CFLAR: variants seen among roughly 807,000 people sequenced by gnomAD.
The protein encoded by CFLAR is CASP8 and FADD-like apoptosis regulator.
A neutral mutation model predicts 51.1 loss-of-function variants in CFLAR; 14 were observed. The ratio of observed to expected loss-of-function variants is 0.27; its 90% CI spans 0.18 to 0.43. CFLAR has a LOEUF of 0.43. Ranked by LOEUF, CFLAR falls within the 20% of genes least tolerant of loss-of-function variation. The pLI is 1.00. For synonymous variants in CFLAR, 210 were observed against 211.6 expected (o/e 0.99, Z 0.06); for missense variants, 390 against 566.5 (o/e 0.69, Z 3.16).
chr2:201,145,940 G>GATCCC (rs1559220580), intron 6 of CFLAR, among the ~76,000 whole-genome samples: 2 of 151,874 alleles, frequency 1.3e-5, no homozygotes, highest in South Asian at 4.2e-4. Context: ...ATTAGCACTT[G>GATCCC]ATCCCATAGA....
chr2:201,141,462 T>C, intron 5 of CFLAR: 1 of 1,543,712 alleles, frequency 6.5e-7, no homozygotes, highest in Non-Finnish European at 8.7e-7. Context: ...TACTTAATCA[T>C]TCTGAATGAT....
Position 201,116,837 on chromosome 2 carries a change from C to G in CFLAR, c.-138+356C>G, listed in dbSNP as rs957258672. The G allele has an allele frequency of 6.6e-6, 1 of 152,344 alleles. No individual in the cohort carries two copies. The highest frequency in any genetic ancestry group is 1.5e-5 in the Non-Finnish European group (1 of 68,130). The allele number at this position is 152,344 out of a possible 1,614,324, so 9.4% of individuals were successfully genotyped here. ...ATTCCCAGAAAGGGGCGACCTGGGCCACAGCGGTACAAGCTGCACCCCGAT... is the reference window on the plus strand; with the variant it reads ...ATTCCCAGAAAGGGGCGACCTGGGCGACAGCGGTACAAGCTGCACCCCGAT... On this transcript the variant is annotated intron_variant, in intron 1 of 9. Transcript: ENST00000309955. The surrounding 1 kb of genome is among the most constrained non-coding windows in gnomAD (Gnocchi z 4.8).
Position 201,160,500 on chromosome 2 carries a change from G to A in CFLAR, c.862G>A (p.Gly288Ser), listed in dbSNP as rs1299846719. Residue 288 changes from glycine (G) to serine (S), a missense_variant, in exon 9 of 10, where the codon GGT becomes AGT. This residue lies in a region of CFLAR where 287 missense variants were observed against 363.6 expected (regional missense o/e 0.79). Transcript: ENST00000309955. The stretch of plus-strand genomic sequence containing the variant: ...GAAATTCTTGCATCTCAGTATGCAT[G>A]GTATATCCCAGATTCTTGGCCAATT... The part of the protein sequence containing the change: ...VQKFLHLSMH[G>S]ISQILGQFAC... 6.2e-7 allele frequency: 1 copy of A among 1,613,884 alleles called. No individual in the cohort carries two copies. The highest frequency in any genetic ancestry group is 2.2e-5 in the East Asian group (1 of 44,868).
intron 2 of CFLAR, among the ~76,000 whole-genome samples, chr2:201,131,195 GACTT>G (rs1212334933): frequency 1.3e-5 from 2 of 152,134 alleles, no homozygotes; most frequent in African/African-American, 4.8e-5. Flanking sequence ...CTGAGAGACT[GACTT>G]CCTGGGGAAA....
In CFLAR at chr2:201,137,979, A is replaced by G. The variant is rs370018367; in HGVS notation, c.523+1872A>G. 3.3e-5 allele frequency: 25 copies of G among 748,444 alleles called. No individual in the cohort carries two copies. The African/African-American group carries it at 3.6e-4, about 11-fold the overall frequency. 46.4% of individuals were successfully genotyped at this position (748,444 alleles called of 1,614,324 possible). A position where few individuals can be genotyped will look rare whatever the true frequency, so the allele number is the denominator to read the frequency against. The stretch of plus-strand genomic sequence containing the variant: ...GGTCTGGATGCCACCATCGGCTATG[A>G]TGGGCACACCAAAGTTCTGGGTATG... On this transcript the variant is annotated intron_variant, in intron 4 of 9. Coordinates refer to ENST00000309955, the MANE Select transcript of CFLAR (RefSeq NM_003879.7).
intron 4 of CFLAR, chr2:201,136,484 T>C: frequency 6.3e-7 from 1 of 1,592,348 alleles, no homozygotes; most frequent in Non-Finnish European, 8.5e-7. Flanking sequence ...CTTCGGGTGA[T>C]GTCACTTGGG....
At chr2:201,137,825 C>G (rs2050349518) in intron 4 of CFLAR, 5 of 1,188,406 alleles carry the variant, frequency 4.2e-6, no homozygotes, top group Non-Finnish European at 6.2e-6. Context: ...AGCCCATGCC[C>G]TGGTACTTCT....
chr2:201,140,134 GGGCGGGGGCTGCGGCAGC>G, intron 4 of CFLAR: 1 of 288,354 alleles, frequency 3.5e-6, no homozygotes, highest in Non-Finnish European at 6.4e-6. Context: ...GGTGGGCTGG[GGGCGGGGGCTGCGGCAGC>G]GGCGGGGCGG....
intron 8 of CFLAR, among the ~76,000 whole-genome samples, chr2:201,158,081 A>G (rs886631826): frequency 6.6e-6 from 1 of 152,244 alleles, no homozygotes; most frequent in Non-Finnish European, 1.5e-5. Flanking sequence ...TTTCTGCCCC[A>G]GACCTCAGAT....
intron 1 of CFLAR, among the ~76,000 whole-genome samples, chr2:201,126,705 CTT>C (rs2125639197): frequency 6.6e-6 from 1 of 152,280 alleles, no homozygotes; most frequent in Admixed American, 6.5e-5. Flanking sequence ...CCCCAGGAGT[CTT>C]TGTTAGAATC....
intron 9 of CFLAR, chr2:201,163,451 T>A: frequency 9.0e-7 from 1 of 1,110,308 alleles, no homozygotes; most frequent in Non-Finnish European, 1.1e-6. Flanking sequence ...CATGGCCTTC[T>A]TTACCTGGCC....
At position 201,129,926 on chromosome 2, in the gene CFLAR, C is replaced by G; in HGVS notation, c.61C>G (p.Leu21Val). The change falls in exon 2 of 10, where the codon CTG becomes GTG. Residue 21 changes from leucine to valine, a missense_variant. This residue lies in a region of CFLAR where 103 missense variants were observed against 202.9 expected (regional missense o/e 0.51). Coordinates refer to ENST00000309955, the MANE Select transcript of CFLAR (RefSeq NM_003879.7). ...EALDTDEKEM[L>V]LFLCRDVAID... ...ACTTGATACAGATGAGAAGGAGATG[C>G]TGCTCTTTTTGTGCCGGGATGTTGC... 6.2e-7 allele frequency: 1 copy of G among 1,614,156 alleles called. No homozygotes were observed. Among genetic ancestry groups the G allele is most frequent in the Non-Finnish European group, 8.5e-7 (1 of 1,180,044 alleles).
intron 4 of CFLAR, chr2:201,136,473 A>G (rs201815140): frequency 1.3e-6 from 2 of 1,594,800 alleles, no homozygotes; most frequent in Non-Finnish European, 1.7e-6. Context: ...CCACTGTCCA[A>G]CTTCGGGTGA....
intron 6 of CFLAR, chr2:201,148,184 TAAGCATATATTAATACATGTGTA>T (rs1940612055): frequency 1.3e-5 from 2 of 152,234 alleles, no homozygotes. Flanking sequence ...CTTTTATATT[TAAGCATATATTAATACATGTGTA>T]AGTATATGTA....
intron 1 of CFLAR, chr2:201,122,857 G>A (rs533937674): frequency 6.6e-6 from 1 of 152,270 alleles, no homozygotes; most frequent in African/African-American, 2.4e-5. Flanking sequence ...TTTTGGTTCG[G>A]AGTTAGATTA....
chr2:201,163,178 G>C, intron 9 of CFLAR: 2 of 1,011,464 alleles, frequency 2.0e-6, no homozygotes, highest in Non-Finnish European at 2.8e-6. Context: ...AATTTGATAG[G>C]TGAAAAGTGG....
intron 1 of CFLAR, 74 bp from the exon 2 acceptor site, chr2:201,129,655 A>C (rs957358704): frequency 1.3e-5 from 7 of 541,430 alleles, no homozygotes; most frequent in Non-Finnish European, 2.0e-5. Context: ...CCCAGAAGGA[A>C]AGAGCCCATA....
rs1265562848 is a variant in CFLAR at position 201,158,959 on chromosome 2, C to A, written c.794-1473C>A. 2.0e-5 allele frequency among the ~76,000 whole-genome samples: 3 copies of A among 151,376 alleles called. No homozygotes were observed. The East Asian group carries it at 5.9e-4, about 30-fold the overall frequency. On this transcript the variant is annotated intron_variant, in intron 8 of 9. Coordinates refer to ENST00000309955, the MANE Select transcript of CFLAR (RefSeq NM_003879.7). Reference sequence around the variant, plus strand: ...GTGGCGCAATCTTGGCTCACTGCAACCTCTGCCTCCCGGGTTCAAGCAATT... The same window carrying A: ...GTGGCGCAATCTTGGCTCACTGCAAACTCTGCCTCCCGGGTTCAAGCAATT...
At chr2:201,128,521 A>T (rs1161937609) in intron 1 of CFLAR, among the ~76,000 whole-genome samples, 1 of 152,214 alleles carries the variant, frequency 6.6e-6, no homozygotes, top group Non-Finnish European at 1.5e-5. Context: ...TTGTTTTCAT[A>T]TAAAATTTTT....
Sources: allele counts gnomAD v4.1 joint callset (sites outside exome capture counted in the v4.1 genomes callset), GRCh38; gene constraint gnomAD v4.1.1; regional missense constraint gnomAD v4.1.1; non-coding constraint Gnocchi (gnomAD v3.1); transcripts MANE v1.5; gene names NCBI Gene and HGNC (gene_info 2026-07-23, HGNC 2026-07-21).